The following FOXP2 variants were observed in gnomAD, a reference collection of about 807,000 sequenced individuals.
FOXP2 encodes the protein forkhead box P2.
A neutral mutation model predicts 115.8 loss-of-function variants in FOXP2; 12 were observed. The observed-to-expected ratio is 0.10, with a 90% CI of 0.07 to 0.17. FOXP2 has a LOEUF of 0.17. FOXP2 is among the 10% of genes least tolerant of loss of function. The pLI is 1.00. For synonymous variants in FOXP2, 328 were observed against 297.7 expected (o/e 1.10, Z -1.05); for missense variants, 629 against 843.5 (o/e 0.75, Z 3.15).
chr7:114,356,786 G>C (rs1791627687), intron 2 of FOXP2, among the ~76,000 whole-genome samples: 1 of 152,118 alleles, frequency 6.6e-6, no homozygotes, highest in Non-Finnish European at 1.5e-5. Context: ...GACATTCCCT[G>C]GCTTTTGTAG....
rs1808563220 is a variant in FOXP2, at chr7:114,689,823, A to T, written c.2045A>T (p.Asp682Val). ...HVKEEPVIAE[D>V]EDCPMSLVTT... ...AAGGAAGAGCCAGTGATTGCAGAGGATGAAGACTGCCCAATGTCCTTAGTG... is the reference window on the plus strand; with the variant it reads ...AAGGAAGAGCCAGTGATTGCAGAGGTTGAAGACTGCCCAATGTCCTTAGTG... The change falls in exon 17 of 17, where the codon GAT becomes GTT. Residue 682 changes from aspartate to valine, a missense_variant. Physicochemically the swap from Asp to Val is radical, Grantham distance 152. Around this residue, in one of 9 missense-constraint regions of FOXP2, gnomAD observed 117 missense variants for 112.3 expected, o/e 1.04. Transcript: ENST00000350908. The T allele has an allele frequency of 6.2e-7, 1 of 1,613,408 alleles. No homozygotes were observed.
intron 1 of FOXP2, among the ~76,000 whole-genome samples, chr7:114,147,596 A>G (rs559019649): frequency 1.3e-5 from 2 of 152,296 alleles, no homozygotes; most frequent in African/African-American, 2.4e-5. Flanking sequence ...TTATATTTGT[A>G]TGATAAATAG....
chr7:114,138,390 ATTCTTTT>A (rs1792100926), intron 1 of FOXP2, among the ~76,000 whole-genome samples: 1 of 105,382 alleles, frequency 9.5e-6, no homozygotes, highest in African/African-American at 3.3e-5. Context: ...CTATAAGCCT[ATTCTTTT>A]TTTTTTTTTT....
At chr7:114,429,793 A>C (rs879873630) in intron 2 of FOXP2, among the ~76,000 whole-genome samples, 30 of 151,624 alleles carry the variant, frequency 2.0e-4, no homozygotes, top group Admixed American at 1.1e-3. Context: ...CATGTAAAAC[A>C]GAGTATTTGA....
chr7:114,482,162 T>G (rs958116197), intron 2 of FOXP2, among the ~76,000 whole-genome samples: 1 of 151,406 alleles, frequency 6.6e-6, no homozygotes, highest in Non-Finnish European at 1.5e-5. Flanking sequence ...GTGCTACTAT[T>G]TATGCATTGT....
intron 16 of FOXP2, among the ~76,000 whole-genome samples, chr7:114,676,625 G>A (rs764760101): frequency 5.9e-5 from 9 of 152,142 alleles, no homozygotes; most frequent in Middle Eastern, 3.2e-3. Context: ...GCTAGGACAG[G>A]TGACAAGGCT....
chr7:114,323,120 CAT>C (rs1476244506), intron 2 of FOXP2, among the ~76,000 whole-genome samples: 1 of 152,078 alleles, frequency 6.6e-6, no homozygotes, highest in Non-Finnish European at 1.5e-5. Flanking sequence ...GATTTTTTGA[CAT>C]GTTTTCTACC....
chr7:114,684,283 T>C (rs796525191), intron 16 of FOXP2, among the ~76,000 whole-genome samples: 3 of 152,318 alleles, frequency 2.0e-5, no homozygotes, highest in African/African-American at 7.2e-5. Flanking sequence ...GCATATGATA[T>C]TGCAGTGGTT....
intron 1 of FOXP2, among the ~76,000 whole-genome samples, chr7:114,132,326 C>T (rs1791901110): frequency 6.6e-6 from 1 of 152,018 alleles, no homozygotes; most frequent in African/African-American, 2.4e-5. Context: ...TGCAAATGTC[C>T]TTGAACCTTT....
At chr7:114,558,750 T>C (rs1800596407) in intron 3 of FOXP2, among the ~76,000 whole-genome samples, 1 of 152,200 alleles carries the variant, frequency 6.6e-6, no homozygotes, top group African/African-American at 2.4e-5. Context: ...TTCTCTATGC[T>C]TCCTTTTCAC....
chr7:114,107,666 G>A (rs1791154819), intron 1 of FOXP2, among the ~76,000 whole-genome samples: 1 of 151,978 alleles, frequency 6.6e-6, no homozygotes, highest in Admixed American at 6.6e-5. Flanking sequence ...TTGGTGTTGG[G>A]AGCATATGTT....
intron 2 of FOXP2, among the ~76,000 whole-genome samples, chr7:114,304,998 A>C (rs1796979003): frequency 6.6e-6 from 1 of 152,166 alleles, no homozygotes; most frequent in South Asian, 2.1e-4. Flanking sequence ...AATTTTTACT[A>C]TGCTGTATTA....
intron 1 of FOXP2, among the ~76,000 whole-genome samples, chr7:114,165,154 A>G (rs1276920272): frequency 1.3e-5 from 2 of 152,132 alleles, no homozygotes; most frequent in African/African-American, 2.4e-5. Flanking sequence ...TGATAGTTAC[A>G]TGGAGGTTTG....
chr7:114,595,143 A>G lies in FOXP2; in HGVS notation c.259-33397A>G, dbSNP rs188090142. ...TATCAAATTGATTATATCGTACATG[A>G]CCTAATTGGTCATTCCTGCCTAGTA... On this transcript the variant is annotated intron_variant, in intron 3 of 16. Transcript: ENST00000350908. Among the ~76,000 whole-genome samples the G allele has an allele frequency of 1.3e-4, 20 of 152,142 alleles. No homozygotes were observed. In the East Asian group the frequency reaches 1.5e-3, roughly 12 times the overall value.
chr7:114,158,669 T>C (rs1792738411), upstream of FOXP2, among the ~76,000 whole-genome samples: 1 of 152,142 alleles, frequency 6.6e-6, no homozygotes, highest in South Asian at 2.1e-4. Flanking sequence ...TATCATATTA[T>C]TCTTTCTGGT....
intron 1 of FOXP2, among the ~76,000 whole-genome samples, chr7:114,271,037 G>T (rs1162146812): frequency 1.3e-5 from 2 of 151,760 alleles, no homozygotes; most frequent in Non-Finnish European, 2.9e-5. Context: ...TCTGCTCATT[G>T]TATTGCTTCT....
intron 3 of FOXP2, among the ~76,000 whole-genome samples, chr7:114,611,859 T>G (rs769957348): frequency 2.6e-5 from 4 of 152,102 alleles, no homozygotes; most frequent in Non-Finnish European, 4.4e-5. Flanking sequence ...GCTGCCTTCA[T>G]GGGTAAAGAC....
At chr7:114,648,315 A>G (rs1806035829) in intron 8 of FOXP2, among the ~76,000 whole-genome samples, 1 of 152,068 alleles carries the variant, frequency 6.6e-6, no homozygotes, top group Non-Finnish European at 1.5e-5. Flanking sequence ...CAACTAAATG[A>G]ATAGTGACAG....
chr7:114,415,234 C>T lies in FOXP2; in HGVS notation c.-137C>T. On this transcript the variant is annotated 5_prime_UTR_variant, in exon 1 of 17. Coordinates refer to ENST00000350908, the MANE Select transcript of FOXP2 (RefSeq NM_014491.4). ...GGTGGCTTTGACAGTGAGCTAGCTT[C>T]TGAGTTTTCCCTTCTTTTTATACTG... The T allele has an allele frequency of 2.2e-6, 1 of 453,914 alleles. No individual in the cohort carries two copies. The allele number at this position is 453,914 out of a possible 1,614,324, so 28.1% of individuals were successfully genotyped here.
Sources: gnomAD v4.1 joint callset for allele counts (sites outside exome capture counted in the v4.1 genomes callset) on GRCh38, gnomAD v4.1.1 for gene constraint, gnomAD v4.1.1 regional missense constraint, MANE v1.5 for transcripts, NCBI Gene and HGNC (gene_info 2026-07-23, HGNC 2026-07-21) for gene names.